The following CHRM5 variants were observed in gnomAD, a reference collection of about 807,000 sequenced individuals.
The protein encoded by CHRM5 is cholinergic receptor muscarinic 5.
In CHRM5, 18 loss-of-function variants were observed where a neutral mutation model predicts 39.0. The observed-to-expected ratio is 0.46, with a 90% CI of 0.32 to 0.68. The LOEUF is 0.68. Among genes scored for constraint, CHRM5 ranks in the 30% least tolerant of loss-of-function variants. CHRM5 has a pLI of 0.04. For synonymous variants in CHRM5, 241 were observed against 246.3 expected (o/e 0.98, Z 0.20); for missense variants, 515 against 651.1 (o/e 0.79, Z 2.28).
intron 2 of CHRM5, among the ~76,000 whole-genome samples, chr15:34,061,743 G>T (rs1174073918): frequency 6.6e-6 from 1 of 152,068 alleles, no homozygotes; most frequent in Non-Finnish European, 1.5e-5. Context: ...CAGAGAGAAG[G>T]TCCTTATCTT....
chr15:34,000,538 A>T (rs1897098386), intron 1 of CHRM5, among the ~76,000 whole-genome samples: 1 of 152,220 alleles, frequency 6.6e-6, no homozygotes, highest in Non-Finnish European at 1.5e-5. Flanking sequence ...AGGAACCAAC[A>T]ATATTTTTTC....
rs780277450 is a variant in CHRM5, at chr15:34,031,180, T to TTTC, written c.-407-15358_-407-15357insCTT. ...TTTGCTTAGGTTAATTTTTTTTTTTTTTTTTTTTTTTGAGACTGAGTTTTG... is the reference window on the plus strand; with the variant it reads ...TTTGCTTAGGTTAATTTTTTTTTTTTTTCTTTTTTTTTTTGAGACTGAGTTTTG... On this transcript the variant is annotated intron_variant, in intron 1 of 2. Transcript: ENST00000383263. 3.0e-3 allele frequency among the ~76,000 whole-genome samples: 420 copies of TTTC among 140,200 alleles called. 2 individuals carry two copies. The highest frequency in any genetic ancestry group is 4.7e-3 in the Non-Finnish European group (307 of 64,866). 92.0% of individuals were successfully genotyped at this position (140,200 alleles called of 152,430 possible).
At chr15:34,006,066 C>T (rs1466952650) in intron 1 of CHRM5, among the ~76,000 whole-genome samples, 1 of 152,208 alleles carries the variant, frequency 6.6e-6, no homozygotes, top group Non-Finnish European at 1.5e-5. Flanking sequence ...AATCCCAACA[C>T]TTTGGGAGGC....
intron 1 of CHRM5, among the ~76,000 whole-genome samples, chr15:33,996,737 C>T (rs894373591): frequency 9.2e-5 from 14 of 152,216 alleles, no homozygotes; most frequent in Non-Finnish European, 1.9e-4. Flanking sequence ...GATAAAACCA[C>T]AAAGATGGGG....
chr15:34,038,088 T>C (rs1899236578), intron 1 of CHRM5, among the ~76,000 whole-genome samples: 1 of 152,186 alleles, frequency 6.6e-6, no homozygotes. Context: ...ACTGATGATA[T>C]TGCTATTAAA....
chr15:34,056,545 C>T (rs1900157520), intron 2 of CHRM5, among the ~76,000 whole-genome samples: 1 of 152,224 alleles, frequency 6.6e-6, no homozygotes, highest in African/African-American at 2.4e-5. Context: ...GAGAGCTCTA[C>T]ATACTACATG....
At chr15:34,002,968 A>G (rs1897194605) in intron 1 of CHRM5, 3 of 1,367,550 alleles carry the variant, frequency 2.2e-6, no homozygotes, top group Admixed American at 2.3e-5. Context: ...ATTTAAAAAC[A>G]TATATAAAAT....
At chr15:34,006,774 G>A (rs1897367237) in intron 1 of CHRM5, among the ~76,000 whole-genome samples, 1 of 152,156 alleles carries the variant, frequency 6.6e-6, no homozygotes, top group South Asian at 2.1e-4. Flanking sequence ...TCATTCACAA[G>A]AGAGTAGTAA....
chr15:34,028,497 C>G (rs1597369003), intron 1 of CHRM5, among the ~76,000 whole-genome samples: 1 of 152,142 alleles, frequency 6.6e-6, no homozygotes, highest in East Asian at 1.9e-4. Context: ...CCAAGGAGGT[C>G]AAGGCTTTGG....
intron 1 of CHRM5, among the ~76,000 whole-genome samples, chr15:33,988,415 C>A (rs938963718): frequency 2.0e-5 from 3 of 152,108 alleles, no homozygotes; most frequent in Admixed American, 6.6e-5. Context: ...GGCTTAGTTT[C>A]TACATGTATA....
intron 1 of CHRM5, among the ~76,000 whole-genome samples, chr15:34,014,755 G>C (rs375267415): frequency 6.6e-6 from 1 of 152,178 alleles, no homozygotes; most frequent in Admixed American, 6.5e-5. Flanking sequence ...CCAACAGCTG[G>C]TGAGTTCAAG....
intron 1 of CHRM5, chr15:34,039,063 G>A: frequency 9.1e-7 from 1 of 1,093,120 alleles, no homozygotes; most frequent in East Asian, 5.9e-5. Context: ...GCCGCTGGCG[G>A]TGCTGAGCGC....
At chr15:34,009,789 G>T (rs1208975880) in intron 1 of CHRM5, among the ~76,000 whole-genome samples, 1 of 152,080 alleles carries the variant, frequency 6.6e-6, no homozygotes, top group East Asian at 1.9e-4. Context: ...AGGAGTTTGA[G>T]ATCAGCCTGA....
At chr15:34,013,830 T>C (rs977628941) in intron 1 of CHRM5, among the ~76,000 whole-genome samples, 2 of 152,064 alleles carry the variant, frequency 1.3e-5, no homozygotes, top group Non-Finnish European at 2.9e-5. Context: ...GGGAAGAGTA[T>C]GTACGAGGAC....
At chr15:34,023,615 G>A (rs963550749) in intron 1 of CHRM5, among the ~76,000 whole-genome samples, 2 of 152,078 alleles carry the variant, frequency 1.3e-5, no homozygotes, top group African/African-American at 4.8e-5. Flanking sequence ...AAAGATGGAA[G>A]AAAATAAAAA....
rs544208819 is a variant in CHRM5, at chr15:33,968,958, A to G, written c.-600A>G. On this transcript the variant is annotated 5_prime_UTR_variant, in exon 1 of 3. Transcript: ENST00000383263. Reference sequence around the variant, plus strand: ...TGGTTCTATAATCCTATCCAAATGGAGTCTTCATCTACCGCATACTATCCT... The same window carrying G: ...TGGTTCTATAATCCTATCCAAATGGGGTCTTCATCTACCGCATACTATCCT... The G allele has an allele frequency of 1.3e-5, 2 of 152,236 alleles. No homozygotes were observed. The highest frequency in any genetic ancestry group is 3.9e-4 in the East Asian group (2 of 5,190). 9.4% of individuals were successfully genotyped at this position (152,236 alleles called of 1,614,324 possible).
intron 1 of CHRM5, among the ~76,000 whole-genome samples, chr15:33,986,524 G>T (rs973998912): frequency 6.6e-6 from 1 of 152,090 alleles, no homozygotes. Context: ...AAAGTAAGAG[G>T]TAAAGAAAGC....
At chr15:34,003,522 A>G (rs1897219355) in intron 1 of CHRM5, among the ~76,000 whole-genome samples, 1 of 152,218 alleles carries the variant, frequency 6.6e-6, no homozygotes, top group Non-Finnish European at 1.5e-5. Context: ...CAAGGCTGTA[A>G]GCATCTTAAA....
chr15:33,972,158 G>A (rs1049325112), intron 1 of CHRM5: 37 of 151,966 alleles, frequency 2.4e-4, no homozygotes, highest in African/African-American at 8.9e-4. Context: ...ATTCAAAAGC[G>A]GGAGTAAACA....
Sources: gnomAD v4.1 joint callset for allele counts (sites outside exome capture counted in the v4.1 genomes callset) on GRCh38, gnomAD v4.1.1 for gene constraint, MANE v1.5 for transcripts, NCBI Gene and HGNC (gene_info 2026-07-23, HGNC 2026-07-21) for gene names.